The following DGKI variants were observed in gnomAD, a reference collection of about 807,000 sequenced individuals.
DGKI encodes diacylglycerol kinase iota.
DGKI carries 55 observed loss-of-function variants against 147.5 expected under a neutral mutation model. The observed-to-expected ratio is 0.37, with a 90% CI of 0.30 to 0.47. DGKI has a LOEUF of 0.47. Ranked by LOEUF, DGKI falls within the 20% of genes least tolerant of loss-of-function variation. The probability of loss-of-function intolerance (pLI) is 1.00; values close to 1 mark genes in which losing one functional copy is unlikely to be tolerated. For missense variants in DGKI, 1,007 were observed against 1,323.8 expected (o/e 0.76, Z 3.71); for synonymous variants, 469 against 477.1 (o/e 0.98, Z 0.22).
At chr7:137,727,716 C>T (rs953565246) in intron 1 of DGKI, among the ~76,000 whole-genome samples, 1 of 152,168 alleles carries the variant, frequency 6.6e-6, no homozygotes, top group Non-Finnish European at 1.5e-5. Flanking sequence ...TTCACCATCA[C>T]ATCAAGAGCC....
chr7:137,761,853 C>T (rs1049967266), intron 1 of DGKI, among the ~76,000 whole-genome samples: 1 of 152,170 alleles, frequency 6.6e-6, no homozygotes, highest in African/African-American at 2.4e-5. Flanking sequence ...CTCAATGTCT[C>T]ACAGGCAGCC....
intron 1 of DGKI, among the ~76,000 whole-genome samples, chr7:137,788,661 CACAT>C (rs879374232): frequency 0.046 from 2,871 of 62,958 alleles, 31 homozygotes; most frequent in Middle Eastern, 0.1. Context: ...CACACACACA[CACAT>C]ACACACACAC....
chr7:137,683,360 T>G lies in DGKI; in HGVS notation c.511-4708A>C, dbSNP rs1304542733. Among the ~76,000 whole-genome samples, 261 of 130,586 alleles carry G rather than the reference T, an allele frequency of 2.0e-3. 3 individuals are homozygous for G. Among genetic ancestry groups the G allele is most frequent in the Non-Finnish European group, 2.0e-3 (123 of 62,890 alleles). 85.7% of individuals were successfully genotyped at this position (130,586 alleles called of 152,430 possible). ...CACTCTTTTATCCTTGTCACTCTTT[T>G]TGTTTGTGTTTGTTTGTTTGTTTGT... is the stretch of plus-strand genomic sequence containing the variant. On this transcript the variant is annotated intron_variant, in intron 2 of 32. Transcript: ENST00000614521.
chr7:137,678,432 C>T (rs1199777899), intron 3 of DGKI, 125 bp downstream of exon 3: 9 of 854,254 alleles, frequency 1.1e-5, no homozygotes, highest in African/African-American at 3.4e-5. Flanking sequence ...TGAAAACATC[C>T]GGAAAGTTTT....
At chr7:137,528,135 G>C (rs1817216680) in intron 20 of DGKI, among the ~76,000 whole-genome samples, 1 of 152,286 alleles carries the variant, frequency 6.6e-6, no homozygotes, top group South Asian at 2.1e-4. Flanking sequence ...TGGCATTGGA[G>C]CATTTCTGAG....
At chr7:137,671,698 G>T (rs1009529939) in intron 3 of DGKI, among the ~76,000 whole-genome samples, 12 of 152,134 alleles carry the variant, frequency 7.9e-5, no homozygotes, top group African/African-American at 2.9e-4. Flanking sequence ...TGAAGCTCTT[G>T]CCCTCCAATC....
intron 1 of DGKI, among the ~76,000 whole-genome samples, chr7:137,834,476 T>G (rs560580141): frequency 1.3e-5 from 2 of 152,308 alleles, no homozygotes; most frequent in East Asian, 3.9e-4. Context: ...TGTGAATTCA[T>G]CCATGTATTA....
At chr7:137,666,639 G>A (rs1822652237) in intron 3 of DGKI, among the ~76,000 whole-genome samples, 1 of 152,162 alleles carries the variant, frequency 6.6e-6, no homozygotes, top group African/African-American at 2.4e-5. Flanking sequence ...CTAATCAAAT[G>A]ATACTAACAA....
At chr7:137,502,262 G>A (rs1420932017) in intron 21 of DGKI, among the ~76,000 whole-genome samples, 1 of 152,134 alleles carries the variant, frequency 6.6e-6, no homozygotes, top group East Asian at 1.9e-4. Context: ...TCTTACGTGA[G>A]TGAATCATAC....
In DGKI at chr7:137,618,142, TA is replaced by T. The variant is rs1563114523; in HGVS notation, c.993+1681del. On this transcript the variant is annotated intron_variant, in intron 8 of 32. Transcript: ENST00000614521. Reference sequence around the variant, plus strand: ...TTCTAAAATACTATATATATATATATATATATATATTTTTTTTTTTTTACTC... The same window carrying T: ...TTCTAAAATACTATATATATATATATTATATATATTTTTTTTTTTTTACTC... Among the ~76,000 whole-genome samples the T allele has an allele frequency of 2.6e-3, 32 of 12,348 alleles. 3 individuals carry two copies. Among genetic ancestry groups the T allele is most frequent in the South Asian group, 0.017 (5 of 290 alleles). The allele number at this position is 12,348 out of a possible 152,430, so 8.1% of individuals were successfully genotyped here. A position where few individuals can be genotyped will look rare whatever the true frequency, so the allele number is the denominator to read the frequency against.
chr7:137,537,591 G>A (rs916520914), intron 20 of DGKI, among the ~76,000 whole-genome samples: 4 of 152,070 alleles, frequency 2.6e-5, no homozygotes, highest in Non-Finnish European at 5.9e-5. Context: ...TGGTACCCTC[G>A]AAATTGGTTT....
intron 19 of DGKI, among the ~76,000 whole-genome samples, chr7:137,567,036 G>A (rs1269013922): frequency 2.5e-5 from 3 of 118,432 alleles, no homozygotes; most frequent in African/African-American, 4.9e-5. Flanking sequence ...AGGCCGAGGC[G>A]GGTGGATCAC....
At chr7:137,539,077 A>G (rs916352327) in intron 20 of DGKI, among the ~76,000 whole-genome samples, 6 of 152,124 alleles carry the variant, frequency 3.9e-5, no homozygotes, top group African/African-American at 1.4e-4. Flanking sequence ...TTCTCCCACT[A>G]CACTACTCAG....
Position 137,513,890 on chromosome 7 carries a change from G to T in DGKI, c.2248+7976C>A, listed in dbSNP as rs1379621538. The T allele has an allele frequency of 1.3e-5, 9 of 700,100 alleles. No homozygotes were observed. The East Asian group carries it at 2.2e-4, about 17-fold the overall frequency. The allele number at this position is 700,100 out of a possible 1,614,324, so 43.4% of individuals were successfully genotyped here. Reference sequence around the variant, plus strand: ...GCCAAGTGGAGGAAGAAGCGAATGCGCAGGCTGAAGCGCAAAAGAAGAAAG... The same window carrying T: ...GCCAAGTGGAGGAAGAAGCGAATGCTCAGGCTGAAGCGCAAAAGAAGAAAG... On this transcript the variant is annotated intron_variant, in intron 21 of 32. Transcript: ENST00000614521.
At chr7:137,771,183 C>T (rs539590934) in intron 1 of DGKI, among the ~76,000 whole-genome samples, 3 of 152,238 alleles carry the variant, frequency 2.0e-5, no homozygotes, top group South Asian at 2.1e-4. Context: ...CTCCACCTCC[C>T]GGGTTCAAGC....
At chr7:137,562,008 A>G (rs1335743884) in intron 19 of DGKI, among the ~76,000 whole-genome samples, 1 of 152,248 alleles carries the variant, frequency 6.6e-6, no homozygotes, top group Admixed American at 6.5e-5. Flanking sequence ...ACAGAACTTC[A>G]CTATAAGAAA....
intron 1 of DGKI, among the ~76,000 whole-genome samples, chr7:137,691,811 T>TGTTTTTTTG (rs1563152851): frequency 4.8e-5 from 7 of 145,730 alleles, no homozygotes; most frequent in African/African-American, 1.8e-4. Context: ...TTTTTTTTTT[T>TGTTTTTTTG]TTTTTTTTTT....
chr7:137,603,216 A>T (rs987668944), intron 10 of DGKI, among the ~76,000 whole-genome samples: 19 of 152,296 alleles, frequency 1.2e-4, no homozygotes, highest in Admixed American at 1.2e-3. Flanking sequence ...ATAAAGGAAA[A>T]CATAATGACA....
At chr7:137,425,402 T>A (rs1440384865) in intron 28 of DGKI, among the ~76,000 whole-genome samples, 1 of 151,970 alleles carries the variant, frequency 6.6e-6, no homozygotes, top group Non-Finnish European at 1.5e-5. Flanking sequence ...CATCTGTACA[T>A]CACCATCATC....
Sources: gnomAD v4.1 joint callset for allele counts (sites outside exome capture counted in the v4.1 genomes callset) on GRCh38, gnomAD v4.1.1 for gene constraint, MANE v1.5 for transcripts, NCBI Gene and HGNC (gene_info 2026-07-23, HGNC 2026-07-21) for gene names.